Variants in TUBD1 observed in about 807,000 individuals in gnomAD.
TUBD1 encodes the protein tubulin delta 1.
A neutral mutation model predicts 51.2 loss-of-function variants in TUBD1; 38 were observed. That is an observed-to-expected ratio of 0.74 (90% confidence interval 0.57 to 0.97). The LOEUF (loss-of-function observed/expected upper bound fraction) is 0.97, where lower values mean the gene tolerates loss of function less well. Among genes scored for constraint, TUBD1 ranks in the 50% least tolerant of loss-of-function variants. The probability of loss-of-function intolerance (pLI) is 0.00; values close to 1 mark genes in which losing one functional copy is unlikely to be tolerated. For missense variants in TUBD1, 489 were observed against 538.4 expected (o/e 0.91, Z 0.91); for synonymous variants, 169 against 178.2 (o/e 0.95, Z 0.41).
intron 2 of TUBD1, among the ~76,000 whole-genome samples, chr17:59,889,999 AAAAG>A (rs1341116414): frequency 6.7e-6 from 1 of 149,138 alleles, no homozygotes; most frequent in African/African-American, 2.5e-5. Context: ...AGAGACAGAG[AAAAG>A]AAAGAGCCAG....
At chr17:59,883,300 G>A (rs2040572640) in intron 3 of TUBD1, among the ~76,000 whole-genome samples, 1 of 148,078 alleles carries the variant, frequency 6.8e-6, no homozygotes, top group Non-Finnish European at 1.5e-5. Context: ...ATGGAGTTTT[G>A]TTCTTGTTGC....
At chr17:59,870,167 C>A (rs2039911358) in intron 6 of TUBD1, among the ~76,000 whole-genome samples, 2 of 151,784 alleles carry the variant, frequency 1.3e-5, no homozygotes, top group Non-Finnish European at 2.9e-5. Flanking sequence ...TCAAGACCAG[C>A]CTGGCCAACA....
intron 5 of TUBD1, among the ~76,000 whole-genome samples, chr17:59,875,618 G>C (rs575721021): frequency 6.6e-6 from 1 of 151,836 alleles, no homozygotes; most frequent in Non-Finnish European, 1.5e-5. Flanking sequence ...AAATTAGCCA[G>C]GCGTTGTGGC....
At chr17:59,882,478 G>C (rs1402989763) in intron 3 of TUBD1, among the ~76,000 whole-genome samples, 2 of 151,802 alleles carry the variant, frequency 1.3e-5, no homozygotes, top group Non-Finnish European at 2.9e-5. Flanking sequence ...GTACAGACAG[G>C]GTTTCACCAT....
At position 59,860,206 on chromosome 17, in the gene TUBD1, C is replaced by T. The variant is rs2039374329; in HGVS notation, c.*116G>A. On this transcript the variant is annotated 3_prime_UTR_variant, in exon 9 of 9. Transcript: ENST00000325752. ...AATTTTTTGTATTTTCTGGTAGAGA[C>T]GGTGTTTCACCGTGTTAGCCAGGAT... is the stretch of plus-strand genomic sequence containing the variant. 2.7e-6 allele frequency: 2 copies of T among 738,226 alleles called. No homozygotes were observed. The highest frequency in any genetic ancestry group is 1.8e-5 in the African/African-American group (1 of 54,720). The allele number at this position is 738,226 out of a possible 1,614,324, so 45.7% of individuals were successfully genotyped here.
chr17:59,876,718 C>G (rs2040242306), intron 5 of TUBD1, among the ~76,000 whole-genome samples: 1 of 152,044 alleles, frequency 6.6e-6, no homozygotes, highest in Non-Finnish European at 1.5e-5. Flanking sequence ...CTTCGAACTC[C>G]TGGCCTCAAG....
At chr17:59,864,495 C>A (rs938281652) in intron 7 of TUBD1, among the ~76,000 whole-genome samples, 5 of 151,908 alleles carry the variant, frequency 3.3e-5, no homozygotes, top group African/African-American at 1.2e-4. Context: ...AAATAATATA[C>A]TGCCAGTTTT....
chr17:59,877,901 G>A (rs2040298754), intron 5 of TUBD1, among the ~76,000 whole-genome samples: 1 of 151,978 alleles, frequency 6.6e-6, no homozygotes, highest in Non-Finnish European at 1.5e-5. Context: ...ATCCTGAAGA[G>A]CAGTGGATAC....
chr17:59,875,073 C>CTTTTTTTTTTTT (rs10679203), intron 5 of TUBD1, among the ~76,000 whole-genome samples: 1 of 87,270 alleles, frequency 1.1e-5, no homozygotes, highest in Non-Finnish European at 2.2e-5. Flanking sequence ...TTGTTATATT[C>CTTTTTTTTTTTT]TTTTTTTTTT....
chr17:59,860,233 G>T lies in TUBD1; in HGVS notation c.*89C>A. 1.0e-6 allele frequency: 1 copy of T among 983,458 alleles called. No homozygotes were observed. 60.9% of individuals were successfully genotyped at this position (983,458 alleles called of 1,614,324 possible). A position where few individuals can be genotyped will look rare whatever the true frequency, so the allele number is the denominator to read the frequency against. The stretch of plus-strand genomic sequence containing the variant: ...GTGTTTCACCGTGTTAGCCAGGATG[G>T]AGAACTTTGAAAACTTTACAGAGAA... On this transcript the variant is annotated 3_prime_UTR_variant, in exon 9 of 9. Transcript: ENST00000325752.
At position 59,886,241 on chromosome 17, in the gene TUBD1, A is replaced by G. The variant is rs369886936; in HGVS notation, c.173-11T>C. On this transcript the variant is annotated splice_polypyrimidine_tract_variant and intron_variant, in intron 2 of 8. Coordinates refer to ENST00000325752, the MANE Select transcript of TUBD1 (RefSeq NM_016261.4). ...CCCGGGCAATTGGAACTAGAGGGGG[A>G]AAAAAACCCAAAAACATCGAAAGAA... 1.9e-5 allele frequency: 31 copies of G among 1,597,326 alleles called. No individual in the cohort carries two copies. Among genetic ancestry groups the G allele is most frequent in the South Asian group, 4.6e-5 (4 of 87,278 alleles).
chr17:59,880,940 T>A lies in TUBD1; in HGVS notation c.491A>T (p.Asn164Ile), dbSNP rs1450780494. The part of the protein sequence containing the change: ...VTQNLEDQYS[N>I]SLKMNQIIWP... ...AATAATCTGATTCATTTTCAATGAG[T>A]TTGAGTACTGATCTTCTAAATTCTG... Residue 164 changes from asparagine (N) to isoleucine (I), a missense_variant, in exon 4 of 9, where the codon AAC becomes ATC. Coordinates refer to ENST00000325752, the MANE Select transcript of TUBD1 (RefSeq NM_016261.4). The A allele has an allele frequency of 6.2e-7, 1 of 1,614,044 alleles. No individual in the cohort carries two copies. Among genetic ancestry groups the A allele is most frequent in the African/African-American group, 1.3e-5 (1 of 74,904 alleles).
chr17:59,887,523 G>T (rs2040791399), intron 2 of TUBD1, among the ~76,000 whole-genome samples: 1 of 152,224 alleles, frequency 6.6e-6, no homozygotes, highest in South Asian at 2.1e-4. Context: ...TGTTGGAGCA[G>T]AGGATGGAGA....
Position 59,866,862 on chromosome 17 carries a change from C to A in TUBD1, c.935-113G>T. On this transcript the variant is annotated intron_variant, in intron 6 of 8. Coordinates refer to ENST00000325752, the MANE Select transcript of TUBD1 (RefSeq NM_016261.4). ...GCAGTGGCATGATCTTGGCTCACTG[C>A]AACCTCCATCTCCCAGGATCAAGCG... The A allele has an allele frequency of 3.9e-6, 3 of 777,586 alleles. No individual in the cohort carries two copies. In the East Asian group the frequency reaches 8.5e-5, roughly 22 times the overall value. The allele number at this position is 777,586 out of a possible 1,614,324, so 48.2% of individuals were successfully genotyped here. A position where few individuals can be genotyped will look rare whatever the true frequency, so the allele number is the denominator to read the frequency against.
Position 59,863,656 on chromosome 17 carries a change from A to G in TUBD1, c.1259+8T>C. ...AAAGAAAGGTTTGTAGACTTATTTTATACTTACTTTGAAGCAAACATATTC... is the reference window on the plus strand; with the variant it reads ...AAAGAAAGGTTTGTAGACTTATTTTGTACTTACTTTGAAGCAAACATATTC... On this transcript the variant is annotated splice_region_variant and intron_variant, in intron 8 of 8. Coordinates refer to ENST00000325752, the MANE Select transcript of TUBD1 (RefSeq NM_016261.4). 2 of 1,525,052 alleles carry G rather than the reference A, an allele frequency of 1.3e-6. No homozygotes were observed. Among genetic ancestry groups the G allele is most frequent in the Non-Finnish European group, 1.8e-6 (2 of 1,140,704 alleles). 94.5% of individuals were successfully genotyped at this position (1,525,052 alleles called of 1,614,324 possible).
In TUBD1 at chr17:59,866,725, G is replaced by A; in HGVS notation, c.959C>T (p.Pro320Leu). 6.2e-7 allele frequency: 1 copy of A among 1,613,844 alleles called. No homozygotes were observed. Among genetic ancestry groups the A allele is most frequent in the Non-Finnish European group, 8.5e-7 (1 of 1,179,918 alleles). ...EEGIDRHVWP[P>L]LSGLPPLSKM... is the part of the protein sequence containing the mutation. Reference sequence around the variant, plus strand: ...ACTAAGAGGAGGAAGTCCTGATAAAGGAGGCCATACATGCCTATCAATACC... The same window carrying A: ...ACTAAGAGGAGGAAGTCCTGATAAAAGAGGCCATACATGCCTATCAATACC... Residue 320 changes from proline to leucine, a missense_variant, in exon 7 of 9, where the codon CCT (proline) becomes CTT (leucine). Pro to Leu is a moderately conservative substitution (Grantham distance 98, BLOSUM62 -3). Transcript: ENST00000325752.
In TUBD1 at chr17:59,874,542, C is replaced by T. The variant is rs745617810; in HGVS notation, c.931G>A (p.Glu311Lys). 6 of 1,610,962 alleles carry T rather than the reference C, an allele frequency of 3.7e-6. No homozygotes were observed. In the African/African-American group the frequency reaches 6.7e-5, roughly 18 times the overall value. ...ATATTTTTGGACTACTCTTTACCTT[C>T]TTCCATCTTTGCATTAGAAATGAGC... ...QMLISNAKMEEGIDRHVWPPL... is the reference protein window; with the variant it reads ...QMLISNAKMEKGIDRHVWPPL... Residue 311 changes from glutamate (E) to lysine (K), a missense_variant, in exon 6 of 9, where the codon GAA becomes AAA. Coordinates refer to ENST00000325752, the MANE Select transcript of TUBD1 (RefSeq NM_016261.4).
chr17:59,879,758 CTTTTTT>C (rs563555734), intron 4 of TUBD1, among the ~76,000 whole-genome samples: 1 of 143,694 alleles, frequency 7.0e-6, no homozygotes, highest in South Asian at 2.2e-4. Context: ...AAAAATTTTT[CTTTTTT>C]TTTTTAAGAC....
rs889195937 is a variant in TUBD1, at chr17:59,860,558, T to C, written c.1260-134A>G. Reference sequence around the variant, plus strand: ...CACACAATCGTTCAGAAGTCTTACATTTGCTTTGTTTACTCCAAAGATTAG... The same window carrying C: ...CACACAATCGTTCAGAAGTCTTACACTTGCTTTGTTTACTCCAAAGATTAG... On this transcript the variant is annotated intron_variant, in intron 8 of 8. Coordinates refer to ENST00000325752, the MANE Select transcript of TUBD1 (RefSeq NM_016261.4). 10 of 616,796 alleles carry C rather than the reference T, an allele frequency of 1.6e-5. No homozygotes were observed. In the African/African-American group the frequency reaches 1.9e-4, roughly 12 times the overall value. The allele number at this position is 616,796 out of a possible 1,614,324, so 38.2% of individuals were successfully genotyped here. A position where few individuals can be genotyped will look rare whatever the true frequency, so the allele number is the denominator to read the frequency against.
Sources: gnomAD v4.1 joint callset for allele counts (sites outside exome capture counted in the v4.1 genomes callset) on GRCh38, gnomAD v4.1.1 for gene constraint, MANE v1.5 for transcripts, NCBI Gene and HGNC (gene_info 2026-07-23, HGNC 2026-07-21) for gene names.